BRDT: variants seen among roughly 807,000 people sequenced by gnomAD.
The protein encoded by BRDT is bromodomain testis-specific protein.
A neutral mutation model predicts 113.9 loss-of-function variants in BRDT; 77 were observed. The observed-to-expected ratio is 0.68, with a 90% CI of 0.56 to 0.82. The LOEUF (loss-of-function observed/expected upper bound fraction) is 0.82, where lower values mean the gene tolerates loss of function less well. BRDT is among the 40% of genes least tolerant of loss of function. The probability of loss-of-function intolerance (pLI) is 0.00; values close to 1 mark genes in which losing one functional copy is unlikely to be tolerated. For missense variants in BRDT, 1,027 were observed against 1,105.4 expected (o/e 0.93, Z 1.01); for synonymous variants, 358 against 366.5 (o/e 0.98, Z 0.26).
intron 4 of BRDT, among the ~76,000 whole-genome samples, chr1:91,971,296 G>A (rs1411331760): frequency 2.0e-5 from 3 of 152,112 alleles, no homozygotes; most frequent in Non-Finnish European, 2.9e-5. Flanking sequence ...ATTTGAAGAG[G>A]ACAAAACATC....
In BRDT at chr1:91,981,320, A is replaced by G. The variant is rs2101678265; in HGVS notation, c.1803A>G (p.Glu601=). The change falls in exon 11 of 19, where the codon GAA becomes GAG. Residue 601 remains glutamate, a synonymous_variant. Transcript: ENST00000399546. ...KEELHSQKKQ[E]LEKRLLDVNN... is the part of the protein sequence containing the mutation. ...AACTTCACTCACAGAAAAAACAGGA[A>G]TTGGAAAAGCGGTTACTGGATGTTA... 1 of 1,614,184 alleles carries G rather than the reference A, an allele frequency of 6.2e-7. No individual in the cohort carries two copies. The highest frequency in any genetic ancestry group is 2.2e-5 in the East Asian group (1 of 44,888).
intron 4 of BRDT, among the ~76,000 whole-genome samples, chr1:91,971,084 C>G (rs1683587909): frequency 6.6e-6 from 1 of 152,016 alleles, no homozygotes; most frequent in African/African-American, 2.4e-5. Flanking sequence ...AAAGAGGGAG[C>G]TGTTGTATCA....
chr1:92,009,641 C>T (rs183965997), intron 18 of BRDT, among the ~76,000 whole-genome samples: 1 of 150,960 alleles, frequency 6.6e-6, no homozygotes, highest in Non-Finnish European at 1.5e-5. Flanking sequence ...GCTTGACCTC[C>T]CAGGCTCAAG....
At chr1:91,979,080 A>G (rs1161433576) in intron 7 of BRDT, among the ~76,000 whole-genome samples, 1 of 151,312 alleles carries the variant, frequency 6.6e-6, no homozygotes, top group Non-Finnish European at 1.5e-5. Context: ...AAAATGGAGA[A>G]AAGTTGGTAA....
At chr1:91,993,581 A>C (rs1003286214) in intron 14 of BRDT, among the ~76,000 whole-genome samples, 3 of 152,184 alleles carry the variant, frequency 2.0e-5, no homozygotes, top group Admixed American at 2.0e-4. Context: ...TAGTTACCTG[A>C]ATATTGAATT....
intron 12 of BRDT, among the ~76,000 whole-genome samples, chr1:91,986,773 G>A (rs1447343500): frequency 6.6e-6 from 1 of 152,014 alleles, no homozygotes; most frequent in Non-Finnish European, 1.5e-5. Flanking sequence ...GCAAGGTTTG[G>A]AAACCAACAA....
At chr1:91,989,455 G>T (rs1214720240) in intron 12 of BRDT, among the ~76,000 whole-genome samples, 1 of 151,900 alleles carries the variant, frequency 6.6e-6, no homozygotes, top group African/African-American at 2.4e-5. Flanking sequence ...CTGCCTTTTG[G>T]GTTCAAGCTA....
chr1:91,965,286 TC>T (rs1282027441), intron 3 of BRDT, among the ~76,000 whole-genome samples: 2 of 152,170 alleles, frequency 1.3e-5, no homozygotes, highest in Non-Finnish European at 2.9e-5. Context: ...CAATACTTGT[TC>T]AGTCTATTTG....
chr1:91,977,705 TAA>T (rs531587291), intron 6 of BRDT, among the ~76,000 whole-genome samples: 12 of 121,542 alleles, frequency 9.9e-5, no homozygotes, highest in African/African-American at 6.2e-5. Context: ...TCGTCTCTAC[TAA>T]AAAAAAAAAA....
chr1:91,963,329 A>T (rs1427433426), intron 2 of BRDT, among the ~76,000 whole-genome samples: 1 of 152,168 alleles, frequency 6.6e-6, no homozygotes, highest in African/African-American at 2.4e-5. Flanking sequence ...AATAAAAAAT[A>T]AAAAAAATTT....
At chr1:91,996,879 A>T (rs1385316965) in intron 15 of BRDT, among the ~76,000 whole-genome samples, 3 of 152,230 alleles carry the variant, frequency 2.0e-5, no homozygotes, top group Non-Finnish European at 4.4e-5. Flanking sequence ...GGTTTCTAGA[A>T]CTAACAGGGT....
At chr1:91,974,706 T>C (rs1377658039) in intron 4 of BRDT, among the ~76,000 whole-genome samples, 1 of 152,196 alleles carries the variant, frequency 6.6e-6, no homozygotes, top group African/African-American at 2.4e-5. Context: ...AGTTCAACCA[T>C]TGTGGAAGTC....
chr1:91,971,040 G>T (rs1395689905), intron 4 of BRDT, among the ~76,000 whole-genome samples: 2 of 151,958 alleles, frequency 1.3e-5, no homozygotes, highest in East Asian at 3.9e-4. Flanking sequence ...CTTAGCTTCT[G>T]GGCCTCAGGA....
chr1:91,952,856 AAG>A (rs560659852), intron 1 of BRDT, among the ~76,000 whole-genome samples: 52 of 151,786 alleles, frequency 3.4e-4, no homozygotes, highest in African/African-American at 1.2e-3. Flanking sequence ...TCCCTGGGAA[AAG>A]AGTTCTAGAT....
In BRDT at chr1:91,955,993, CTA is replaced by C. The variant is rs564425994; in HGVS notation, c.-38+6315_-38+6316del. Among the ~76,000 whole-genome samples the C allele has an allele frequency of 5.4e-3, 828 of 152,314 alleles. 9 individuals carry two copies. The highest frequency in any genetic ancestry group is 0.019 in the African/African-American group (779 of 41,560). On this transcript the variant is annotated intron_variant, in intron 1 of 18. Coordinates refer to ENST00000399546, the MANE Select transcript of BRDT (RefSeq NM_207189.4). ...AGAAAGGTAAAATAGTACAAAAAAA[CTA>C]TATCAGCAATTGTCAACATTTTGCC...
At chr1:91,992,724 C>A (rs963123973) in intron 14 of BRDT, among the ~76,000 whole-genome samples, 1 of 151,976 alleles carries the variant, frequency 6.6e-6, no homozygotes, top group Admixed American at 6.6e-5. Flanking sequence ...TTAGTAGAAA[C>A]GGGGTTTCAC....
chr1:92,003,614 T>C (rs1424967499), intron 16 of BRDT, among the ~76,000 whole-genome samples: 3 of 152,186 alleles, frequency 2.0e-5, no homozygotes, highest in Non-Finnish European at 4.4e-5. Context: ...TTGGAACAGT[T>C]TGACTATACA....
At chr1:92,012,956 C>T (rs891064033) in intron 18 of BRDT, among the ~76,000 whole-genome samples, 4 of 143,188 alleles carry the variant, frequency 2.8e-5, no homozygotes, top group Non-Finnish European at 4.5e-5. Flanking sequence ...CAGCAGCTTG[C>T]GCCTTGTAAT....
At chr1:91,954,123 C>A (rs1681455282) in intron 1 of BRDT, among the ~76,000 whole-genome samples, 1 of 152,108 alleles carries the variant, frequency 6.6e-6, no homozygotes, top group Non-Finnish European at 1.5e-5. Context: ...AGGCATGTGA[C>A]ACCACACCTG....
Sources: gnomAD v4.1 joint callset for allele counts (sites outside exome capture counted in the v4.1 genomes callset) on GRCh38, gnomAD v4.1.1 for gene constraint, MANE v1.5 for transcripts, NCBI Gene and HGNC (gene_info 2026-07-23, HGNC 2026-07-21) for gene names.